Variants in PTPN11 observed in about 807,000 individuals in gnomAD.
PTPN11 encodes protein tyrosine phosphatase non-receptor type 11, also known as tyrosine-protein phosphatase non-receptor type 11.
In PTPN11, 6 loss-of-function variants were observed where a neutral mutation model predicts 78.8. That is an observed-to-expected ratio of 0.08 (90% CI 0.04 to 0.15). The LOEUF (loss-of-function observed/expected upper bound fraction) is 0.15. Among genes scored for constraint, PTPN11 ranks in the 10% least tolerant of loss-of-function variants. The pLI is 1.00. For synonymous variants in PTPN11, 221 were observed against 263.5 expected (o/e 0.84, Z 1.56); for missense variants, 386 against 744.8 (o/e 0.52, Z 5.61).
chr12:112,494,168 C>T (rs552569764), intron 13 of PTPN11, among the ~76,000 whole-genome samples: 1 of 152,132 alleles, frequency 6.6e-6, no homozygotes, highest in East Asian at 1.9e-4. Flanking sequence ...GCAGGAGGAT[C>T]GCTTGAACCC....
rs2038708529 is a variant in PTPN11 at position 112,488,604 on chromosome 12, T to C, written c.1447+94T>C. 2.3e-6 allele frequency: 3 copies of C among 1,310,202 alleles called. No homozygotes were observed. The African/African-American group carries it at 4.4e-5, about 19-fold the overall frequency. 81.2% of individuals were successfully genotyped at this position (1,310,202 alleles called of 1,614,324 possible). A position where few individuals can be genotyped will look rare whatever the true frequency, so the allele number is the denominator to read the frequency against. On this transcript the variant is annotated intron_variant, in intron 12 of 15. Coordinates refer to ENST00000351677, the MANE Select transcript of PTPN11 (RefSeq NM_002834.5). Reference sequence around the variant, plus strand: ...AACAGTCTGGGGAAGAGAGGTTGAATGGGAAAATTCTTTCACAAAAATCTG... The same window carrying C: ...AACAGTCTGGGGAAGAGAGGTTGAACGGGAAAATTCTTTCACAAAAATCTG...
chr12:112,452,263 G>A (rs192924784), intron 3 of PTPN11, among the ~76,000 whole-genome samples: 2 of 150,906 alleles, frequency 1.3e-5, no homozygotes, highest in East Asian at 2.0e-4. Context: ...AGTTTCGCTC[G>A]TCACCCAGGC....
intron 10 of PTPN11, among the ~76,000 whole-genome samples, chr12:112,484,189 G>A (rs1323728984): frequency 6.6e-6 from 1 of 152,162 alleles, no homozygotes; most frequent in Admixed American, 6.5e-5. Context: ...AGAAGAGATA[G>A]AATATATGAA....
chr12:112,484,069 G>A (rs1419254355), intron 10 of PTPN11, among the ~76,000 whole-genome samples: 3 of 151,634 alleles, frequency 2.0e-5, no homozygotes, highest in Non-Finnish European at 2.9e-5. Context: ...CAACAGGAGG[G>A]CAAAAGGAGA....
chr12:112,473,845 C>CAA (rs560246280), intron 7 of PTPN11, among the ~76,000 whole-genome samples: 93 of 135,244 alleles, frequency 6.9e-4, no homozygotes, highest in African/African-American at 2.2e-3. Flanking sequence ...AACTCCGTCT[C>CAA]AAAAAAAAAA....
At chr12:112,434,391 C>T (rs2037757728) in intron 1 of PTPN11, among the ~76,000 whole-genome samples, 1 of 152,064 alleles carries the variant, frequency 6.6e-6, no homozygotes, top group Non-Finnish European at 1.5e-5. Context: ...GGGCAGGTCA[C>T]AAGATCAAGA....
chr12:112,461,628 A>T (rs1311778712), intron 6 of PTPN11, among the ~76,000 whole-genome samples: 1 of 151,780 alleles, frequency 6.6e-6, no homozygotes, highest in Non-Finnish European at 1.5e-5. Flanking sequence ...TGCCCAGCTA[A>T]TTTTTTAATT....
intron 2 of PTPN11, 102 bp from the exon 3 acceptor site, chr12:112,450,216 T>G: frequency 8.9e-7 from 1 of 1,128,062 alleles, no homozygotes; most frequent in South Asian, 1.2e-5. Flanking sequence ...CTTGGGTTTC[T>G]TTCAACACTT....
At chr12:112,446,226 T>C in intron 1 of PTPN11, 50 bp from the exon 2 acceptor site, 2 of 1,609,544 alleles carry the variant, frequency 1.2e-6, no homozygotes, top group South Asian at 2.2e-5. Flanking sequence ...TGGAAAGTAG[T>C]GCTGACAGTG....
chr12:112,502,032 AT>A (rs1055181287), intron 13 of PTPN11, 111 bp from the exon 14 acceptor site: 100 of 780,502 alleles, frequency 1.3e-4, no homozygotes, highest in Admixed American at 5.1e-4. Context: ...CCGTCTATCA[AT>A]TTTTTTTTCT....
intron 6 of PTPN11, among the ~76,000 whole-genome samples, chr12:112,464,916 ATC>A (rs1187245567): frequency 1.3e-5 from 2 of 152,176 alleles, no homozygotes; most frequent in Non-Finnish European, 2.9e-5. Context: ...CTGTGTAAAT[ATC>A]TCTCACTTCC....
At chr12:112,446,204 G>A in intron 1 of PTPN11, 72 bp from the exon 2 acceptor site, 7 of 1,584,336 alleles carry the variant, frequency 4.4e-6, no homozygotes, top group Non-Finnish European at 6.1e-6. Flanking sequence ...ATGCGTCTTA[G>A]CTGTGTTGTT....
intron 13 of PTPN11, among the ~76,000 whole-genome samples, chr12:112,501,229 A>G (rs949472621): frequency 2.6e-5 from 4 of 152,184 alleles, no homozygotes; most frequent in African/African-American, 9.6e-5. Context: ...TAGATGTCCT[A>G]CCAAATATAG....
intron 1 of PTPN11, among the ~76,000 whole-genome samples, chr12:112,432,278 C>T (rs2037724921): frequency 1.3e-5 from 2 of 152,102 alleles, no homozygotes; most frequent in African/African-American, 4.8e-5. Flanking sequence ...GGTGGTTTGA[C>T]AATATTTGTC....
intron 11 of PTPN11, among the ~76,000 whole-genome samples, chr12:112,487,624 A>G (rs2038695875): frequency 6.6e-6 from 1 of 152,098 alleles, no homozygotes; most frequent in African/African-American, 2.4e-5. Context: ...GGTTTCCTAA[A>G]TCTCATTCAT....
rs138794558 is a variant in PTPN11 at position 112,487,023 on chromosome 12, T to C, written c.1379+394T>C. 138 of 654,928 alleles carry C rather than the reference T, an allele frequency of 2.1e-4. No homozygotes were observed. In the East Asian group the frequency reaches 6.5e-3, roughly 31 times the overall value. The allele number at this position is 654,928 out of a possible 1,614,324, so 40.6% of individuals were successfully genotyped here. A position where few individuals can be genotyped will look rare whatever the true frequency, so the allele number is the denominator to read the frequency against. ...GGGGTGTGGTGGAAATAGGCCTGAC[T>C]CTTGAGGATCCCTTAAGTCATTTTT... On this transcript the variant is annotated intron_variant, in intron 11 of 15. Coordinates refer to ENST00000351677, the MANE Select transcript of PTPN11 (RefSeq NM_002834.5).
At chr12:112,459,552 C>T (rs1036297327) in intron 6 of PTPN11, among the ~76,000 whole-genome samples, 9 of 151,838 alleles carry the variant, frequency 5.9e-5, no homozygotes, top group Non-Finnish European at 8.8e-5. Context: ...CTACAACCTC[C>T]GCCTCCTGGG....
intron 6 of PTPN11, among the ~76,000 whole-genome samples, chr12:112,458,911 C>T (rs1395635392): frequency 6.6e-6 from 1 of 152,028 alleles, no homozygotes; most frequent in Non-Finnish European, 1.5e-5. Context: ...TGCGCACCCA[C>T]AGTCCCAGCT....
At position 112,480,889 on chromosome 12, in the gene PTPN11, A is replaced by C. The variant is rs138783475; in HGVS notation, c.1093-1185A>C. On this transcript the variant is annotated intron_variant, in intron 9 of 15. Transcript: ENST00000351677. ...ATGACTGCCCAGAAAACAACAGAAC[A>C]CAAAAGCATTCTCTGCCCAGAACAC... 2.1e-3 allele frequency among the ~76,000 whole-genome samples: 324 copies of C among 152,344 alleles called. 1 individual carries two copies. Among genetic ancestry groups the C allele is most frequent in the Middle Eastern group, 0.01 (3 of 292 alleles).
Sources: gnomAD v4.1 joint callset for allele counts (sites outside exome capture counted in the v4.1 genomes callset) on GRCh38, gnomAD v4.1.1 for gene constraint, MANE v1.5 for transcripts, NCBI Gene and HGNC (gene_info 2026-07-23, HGNC 2026-07-21) for gene names.